PDSS2: variants seen among roughly 807,000 people sequenced by gnomAD.
PDSS2 encodes the protein all trans-polyprenyl-diphosphate synthase PDSS2.
A neutral mutation model predicts 44.5 loss-of-function variants in PDSS2; 31 were observed. The observed-to-expected ratio is 0.70, with a 90% CI of 0.52 to 0.94. PDSS2 has a LOEUF of 0.94. PDSS2 is among the 40% of genes least tolerant of loss of function. The pLI is 0.00. For synonymous variants in PDSS2, 157 were observed against 180.3 expected (o/e 0.87, Z 1.03); for missense variants, 452 against 482.2 (o/e 0.94, Z 0.59).
At chr6:107,399,749 C>T (rs1009633301) in intron 1 of PDSS2, among the ~76,000 whole-genome samples, 7 of 151,774 alleles carry the variant, frequency 4.6e-5, no homozygotes, top group African/African-American at 1.7e-4. Flanking sequence ...TCTTAGTGAA[C>T]TAAAACATTA....
intron 7 of PDSS2, among the ~76,000 whole-genome samples, chr6:107,158,628 T>C (rs545425934): frequency 2.4e-4 from 37 of 152,370 alleles, no homozygotes; most frequent in Non-Finnish European, 4.6e-4. Context: ...TTGCCAATCA[T>C]TGAATGCACA....
intron 2 of PDSS2, among the ~76,000 whole-genome samples, chr6:107,326,907 T>G (rs572574236): frequency 1.3e-5 from 2 of 152,144 alleles, no homozygotes; most frequent in South Asian, 4.1e-4. Flanking sequence ...TTAAAATTGG[T>G]CAGTATCCAT....
intron 1 of PDSS2, among the ~76,000 whole-genome samples, chr6:107,338,968 T>A (rs1226727945): frequency 6.6e-6 from 1 of 152,130 alleles, no homozygotes; most frequent in East Asian, 1.9e-4. Context: ...CAAGTGATCT[T>A]CTGGCCTGGC....
rs78392676 is a variant in PDSS2 at position 107,188,946 on chromosome 6, C to T, written c.1041+4876G>A. Among the ~76,000 whole-genome samples, 1,117 of 152,296 alleles carry T rather than the reference C, an allele frequency of 7.3e-3. 11 individuals carry two copies. Among genetic ancestry groups the T allele is most frequent in the African/African-American group, 0.026 (1,074 of 41,566 alleles). On this transcript the variant is annotated intron_variant, in intron 7 of 7. Transcript: ENST00000369037. ...TGAGACAGGGTCTCACTCTCACTCC[C>T]GTTGCCCAGGCTGGTGTACAGTGGC...
intron 1 of PDSS2, among the ~76,000 whole-genome samples, chr6:107,426,323 A>G (rs2114727130): frequency 6.6e-6 from 1 of 152,312 alleles, no homozygotes; most frequent in South Asian, 2.1e-4. Context: ...GAGTGTATAG[A>G]AGTCAAGAAC....
At chr6:107,310,678 T>C (rs762168244) in intron 2 of PDSS2, among the ~76,000 whole-genome samples, 1 of 152,174 alleles carries the variant, frequency 6.6e-6, no homozygotes, top group Non-Finnish European at 1.5e-5. Context: ...TTCCTTTCTA[T>C]GAAGAGAGTA....
intron 2 of PDSS2, among the ~76,000 whole-genome samples, chr6:107,275,339 A>AC (rs1430265067): frequency 1.3e-5 from 2 of 152,168 alleles, no homozygotes; most frequent in Non-Finnish European, 2.9e-5. Flanking sequence ...AATTGTGCAC[A>AC]CAAGTAAAAT....
Position 107,154,441 on chromosome 6 carries a change from C to T in PDSS2, c.*178G>A. ...AGTGAAAACTGCTTGACCTTTTTTT[C>T]TTCTAATTTTGTTTGTAGCAGTTCC... is the stretch of plus-strand genomic sequence containing the variant. On this transcript the variant is annotated 3_prime_UTR_variant, in exon 8 of 8. Transcript: ENST00000369037. The T allele has an allele frequency of 3.4e-5, 21 of 616,982 alleles. No homozygotes were observed. The highest frequency in any genetic ancestry group is 2.5e-4 in the Admixed American group (9 of 35,690). 38.2% of individuals were successfully genotyped at this position (616,982 alleles called of 1,614,324 possible). A position where few individuals can be genotyped will look rare whatever the true frequency, so the allele number is the denominator to read the frequency against.
chr6:107,395,945 A>G (rs1274123998), intron 1 of PDSS2, among the ~76,000 whole-genome samples: 1 of 152,210 alleles, frequency 6.6e-6, no homozygotes, highest in Non-Finnish European at 1.5e-5. Flanking sequence ...GTGGAGTTTC[A>G]TTTATGGTGG....
chr6:107,436,631 G>A (rs1718687004), intron 1 of PDSS2, among the ~76,000 whole-genome samples: 1 of 152,134 alleles, frequency 6.6e-6, no homozygotes. Context: ...CAAAATTTCA[G>A]TTGGGAGGAG....
intron 4 of PDSS2, among the ~76,000 whole-genome samples, chr6:107,223,265 C>A (rs1375681966): frequency 6.6e-6 from 1 of 151,040 alleles, no homozygotes; most frequent in Non-Finnish European, 1.5e-5. Flanking sequence ...CATGGTGGCT[C>A]ATGCCTATAA....
chr6:107,200,761 G>C (rs1240893129), intron 6 of PDSS2, among the ~76,000 whole-genome samples: 1 of 152,012 alleles, frequency 6.6e-6, no homozygotes, highest in African/African-American at 2.4e-5. Context: ...CCACCTCTCA[G>C]GTTCAGGCGA....
intron 3 of PDSS2, among the ~76,000 whole-genome samples, chr6:107,249,323 A>T (rs1035191769): frequency 6.6e-6 from 1 of 152,200 alleles, no homozygotes; most frequent in East Asian, 1.9e-4. Context: ...TGGTATTTTT[A>T]AAATTGTGTG....
At chr6:107,159,085 G>C (rs147901794) in intron 7 of PDSS2, among the ~76,000 whole-genome samples, 1 of 152,108 alleles carries the variant, frequency 6.6e-6, no homozygotes, top group Non-Finnish European at 1.5e-5. Context: ...GACTGCTGGG[G>C]GGACTACATA....
intron 1 of PDSS2, among the ~76,000 whole-genome samples, chr6:107,340,131 A>G (rs1156846291): frequency 6.6e-6 from 1 of 152,172 alleles, no homozygotes; most frequent in Non-Finnish European, 1.5e-5. Flanking sequence ...AAGATGTTGC[A>G]TACTACATAG....
At chr6:107,330,794 G>T (rs1036732653) in intron 2 of PDSS2, among the ~76,000 whole-genome samples, 1 of 152,140 alleles carries the variant, frequency 6.6e-6, no homozygotes, top group African/African-American at 2.4e-5. Context: ...TCACAGTCTT[G>T]TTGGCAAAAG....
chr6:107,308,317 AATT>A (rs1776928237), intron 2 of PDSS2, among the ~76,000 whole-genome samples: 1 of 152,236 alleles, frequency 6.6e-6, no homozygotes, highest in African/African-American at 2.4e-5. Context: ...ATCTGATTAT[AATT>A]ATTATCAACA....
intron 2 of PDSS2, among the ~76,000 whole-genome samples, chr6:107,307,800 A>C (rs1476863891): frequency 1.3e-5 from 2 of 152,088 alleles, no homozygotes; most frequent in African/African-American, 4.8e-5. Context: ...TCCTTTTACC[A>C]CTCTGCATTC....
chr6:107,339,554 T>A (rs997751195), intron 1 of PDSS2, among the ~76,000 whole-genome samples: 5 of 152,148 alleles, frequency 3.3e-5, no homozygotes, highest in African/African-American at 1.2e-4. Flanking sequence ...AAAAAACGAA[T>A]CATGAGGACG....
Sources: gnomAD v4.1 joint callset for allele counts (sites outside exome capture counted in the v4.1 genomes callset) on GRCh38, gnomAD v4.1.1 for gene constraint, MANE v1.5 for transcripts, NCBI Gene and HGNC (gene_info 2026-07-23, HGNC 2026-07-21) for gene names.